Variants in FRRS1 observed in about 807,000 individuals in gnomAD.
The protein encoded by FRRS1 is ferric chelate reductase 1.
Under a neutral mutation model 70.7 loss-of-function variants are expected in FRRS1, and 51 were observed. The ratio of observed to expected loss-of-function variants is 0.72; its 90% CI spans 0.58 to 0.91. The LOEUF (loss-of-function observed/expected upper bound fraction) is 0.91. Ranked by LOEUF, FRRS1 falls within the 40% of genes least tolerant of loss-of-function variation. FRRS1 has a pLI of 0.00. For missense variants in FRRS1, 672 were observed against 726.0 expected (o/e 0.93, Z 0.86); for synonymous variants, 225 against 238.7 (o/e 0.94, Z 0.53).
At chr1:99,718,380 G>A (rs558896060) in intron 10 of FRRS1, among the ~76,000 whole-genome samples, 6 of 152,168 alleles carry the variant, frequency 3.9e-5, no homozygotes, top group Non-Finnish European at 7.4e-5. Context: ...CCAGGCTGGA[G>A]TGCAGTGGTG....
chr1:99,730,351 T>C (rs953880630), intron 7 of FRRS1, among the ~76,000 whole-genome samples: 1 of 152,180 alleles, frequency 6.6e-6, no homozygotes, highest in Non-Finnish European at 1.5e-5. Context: ...AAGGAGGAAT[T>C]AGTCAAACAA....
chr1:99,744,087 A>G (rs1485654334), intron 4 of FRRS1, among the ~76,000 whole-genome samples: 1 of 149,506 alleles, frequency 6.7e-6, no homozygotes, highest in Non-Finnish European at 1.5e-5. Flanking sequence ...AAGAAAGAAA[A>G]GAAAAGAAAA....
intron 14 of FRRS1, 49 bp downstream of exon 14, chr1:99,712,056 A>C: frequency 1.6e-6 from 2 of 1,260,302 alleles, no homozygotes; most frequent in South Asian, 2.6e-5. Flanking sequence ...AACTTGTAAT[A>C]TAAGCAGCTA....
rs375519255 is a variant in FRRS1 at position 99,717,450 on chromosome 1, C to G, written c.1196G>C (p.Trp399Ser). The G allele has an allele frequency of 1.2e-6, 2 of 1,614,084 alleles. No individual in the cohort carries two copies. Among genetic ancestry groups the G allele is most frequent in the Non-Finnish European group, 1.7e-6 (2 of 1,179,972 alleles). Reference sequence around the variant, plus strand: ...TTCACCAAGCAAGAAAGCTTTTGACCAAACTGGCTTGAAGAACCGGGCAAC... The same window carrying G: ...TTCACCAAGCAAGAAAGCTTTTGACGAAACTGGCTTGAAGAACCGGGCAAC... ...VLVARFFKPV[W>S]SKAFLLGEAA... The change falls in exon 11 of 17, where the codon TGG (tryptophan) becomes TCG (serine). Residue 399 changes from tryptophan (W) to serine (S), a missense_variant. Transcript: ENST00000646001.
chr1:99,757,551 C>A (rs1268995248), intron 1 of FRRS1, among the ~76,000 whole-genome samples: 3 of 152,170 alleles, frequency 2.0e-5, no homozygotes, highest in African/African-American at 4.8e-5. Context: ...TCACAGTAAT[C>A]TTCTGTATGA....
At chr1:99,756,124 T>C (rs1656824371) in intron 1 of FRRS1, among the ~76,000 whole-genome samples, 1 of 152,192 alleles carries the variant, frequency 6.6e-6, no homozygotes, top group Admixed American at 6.5e-5. Flanking sequence ...CAATAAGCTA[T>C]TACATTATGA....
At chr1:99,729,958 A>T (rs912012476) in intron 7 of FRRS1, among the ~76,000 whole-genome samples, 5 of 152,216 alleles carry the variant, frequency 3.3e-5, no homozygotes, top group Non-Finnish European at 7.3e-5. Context: ...AAGCACTAGA[A>T]TTTCAGTGTA....
chr1:99,711,376 G>C (rs548880439), intron 14 of FRRS1: 7 of 155,844 alleles, frequency 4.5e-5, no homozygotes, highest in Admixed American at 1.3e-4. Context: ...AGAACATGTG[G>C]TATGTGATTT....
intron 3 of FRRS1, 152 bp from the exon 4 acceptor site, chr1:99,747,582 T>G (rs919811003): frequency 2.1e-5 from 14 of 678,304 alleles, no homozygotes; most frequent in Non-Finnish European, 3.1e-5. Flanking sequence ...AGCTCTAAAC[T>G]TTTTCCATAA....
chr1:99,717,327 A>G (rs1308019486), intron 11 of FRRS1, 83 bp downstream of exon 11: 1 of 907,646 alleles, frequency 1.1e-6, no homozygotes, highest in East Asian at 2.4e-5. Context: ...AAACGCATAC[A>G]CATACACACA....
chr1:99,765,219 T>G (rs1657297105), intron 1 of FRRS1: 1 of 152,168 alleles, frequency 6.6e-6, no homozygotes, highest in Non-Finnish European at 1.5e-5. Context: ...TCTTAAAAGG[T>G]CTTTGTTTTC....
chr1:99,742,283 A>T lies in FRRS1; in HGVS notation c.334-10T>A. 6.5e-7 allele frequency: 1 copy of T among 1,536,922 alleles called. No homozygotes were observed. The highest frequency in any genetic ancestry group is 9.0e-7 in the Non-Finnish European group (1 of 1,110,132). On this transcript the variant is annotated splice_polypyrimidine_tract_variant and intron_variant, in intron 4 of 16. Transcript: ENST00000646001. The stretch of plus-strand genomic sequence containing the variant: ...GACTCACTGCTGATCCCTGAAATAA[A>T]AGGGAAAAGAGCTACCATTCAGTCA...
intron 7 of FRRS1, among the ~76,000 whole-genome samples, chr1:99,732,415 A>C (rs1337534600): frequency 1.3e-5 from 2 of 152,214 alleles, no homozygotes; most frequent in Non-Finnish European, 2.9e-5. Context: ...TTATAAGAAT[A>C]TGGCTCTTAT....
intron 13 of FRRS1, 26 bp from the exon 14 acceptor site, chr1:99,712,189 T>G: frequency 6.6e-7 from 1 of 1,521,902 alleles, no homozygotes; most frequent in East Asian, 2.3e-5. Context: ...CCAGTCAGTA[T>G]TCTTAAAAGC....
intron 1 of FRRS1, among the ~76,000 whole-genome samples, chr1:99,759,056 G>A (rs1856403): frequency 1.8e-4 from 27 of 152,136 alleles, no homozygotes; most frequent in East Asian, 7.7e-4. Context: ...ATACCTGCAC[G>A]GCTGAACATA....
At chr1:99,750,744 G>A (rs1656531374) in intron 1 of FRRS1, among the ~76,000 whole-genome samples, 1 of 151,720 alleles carries the variant, frequency 6.6e-6, no homozygotes, top group Admixed American at 6.6e-5. Context: ...TACAACAAAT[G>A]TGGAATCGGA....
intron 3 of FRRS1, chr1:99,747,858 T>C (rs865820904): frequency 6.5e-6 from 1 of 153,182 alleles, no homozygotes; most frequent in Non-Finnish European, 1.5e-5. Context: ...AAAAAAAAAA[T>C]GTTTACTTGA....
intron 4 of FRRS1, among the ~76,000 whole-genome samples, chr1:99,744,100 C>T (rs1484732401): frequency 6.8e-6 from 1 of 148,110 alleles, no homozygotes; most frequent in Non-Finnish European, 1.5e-5. Context: ...AAAGAAAATT[C>T]GTAAAGCTGT....
At chr1:99,736,820 G>C (rs11801268) in intron 7 of FRRS1, among the ~76,000 whole-genome samples, 5,541 of 138,480 alleles carry the variant, frequency 0.04, 163 homozygotes, top group South Asian at 0.17. Context: ...ATAAAAAAAA[G>C]AATTAGGACA....
Sources: gnomAD v4.1 joint callset for allele counts (sites outside exome capture counted in the v4.1 genomes callset) on GRCh38, gnomAD v4.1.1 for gene constraint, MANE v1.5 for transcripts, NCBI Gene and HGNC (gene_info 2026-07-23, HGNC 2026-07-21) for gene names.